The following PLPP4 variants were observed in gnomAD, a reference collection of about 807,000 sequenced individuals.
The protein encoded by PLPP4 is diacylglycerol pyrophosphate like 2.
In PLPP4, 20 loss-of-function variants were observed where a neutral mutation model predicts 32.2. That is an observed-to-expected ratio of 0.62 (90% CI 0.44 to 0.90). The LOEUF (loss-of-function observed/expected upper bound fraction) is 0.90. PLPP4 is among the 40% of genes least tolerant of loss of function. The pLI, the probability that PLPP4 is intolerant of heterozygous loss-of-function variation, is 0.00. For missense variants in PLPP4, 257 were observed against 353.1 expected, an observed-to-expected ratio of 0.73 and a Z score of 2.18; for synonymous variants, 127 against 133.0, an observed-to-expected ratio of 0.95 and a Z score of 0.31.
intron 2 of PLPP4, among the ~76,000 whole-genome samples, chr10:120,508,770 C>T (rs946166040): frequency 2.6e-5 from 4 of 152,198 alleles, no homozygotes; most frequent in Non-Finnish European, 4.4e-5. Flanking sequence ...CTCTCCCCAA[C>T]CTCCTCCTGC....
At chr10:120,528,370 G>T (rs1395451740) in intron 5 of PLPP4, among the ~76,000 whole-genome samples, 2 of 152,112 alleles carry the variant, frequency 1.3e-5, no homozygotes, top group African/African-American at 4.8e-5. Flanking sequence ...CACCACGCCC[G>T]GCCGCCACTC....
Position 120,590,360 on chromosome 10 carries a change from G to C in PLPP4, c.*858G>C, listed in dbSNP as rs1362873966. 1.1e-3 allele frequency among the ~76,000 whole-genome samples: 168 copies of C among 152,336 alleles called. No homozygotes were observed. The highest frequency in any genetic ancestry group is 1.6e-3 in the Non-Finnish European group (112 of 68,040). ...CATGCCTGGGGCTCATCTCAAGGGAGTGGCTGAGTGGCCATTGGGGATAAG... is the reference window on the plus strand; with the variant it reads ...CATGCCTGGGGCTCATCTCAAGGGACTGGCTGAGTGGCCATTGGGGATAAG... On this transcript the variant is annotated 3_prime_UTR_variant, in exon 7 of 7. Transcript: ENST00000398250.
intron 5 of PLPP4, among the ~76,000 whole-genome samples, chr10:120,546,264 C>A (rs1847612907): frequency 6.6e-6 from 1 of 152,102 alleles, no homozygotes; most frequent in African/African-American, 2.4e-5. Flanking sequence ...CTCTAGAGAA[C>A]CCTGACTCAC....
chr10:120,576,872 G>C (rs1334499202), intron 6 of PLPP4, among the ~76,000 whole-genome samples: 1 of 152,220 alleles, frequency 6.6e-6, no homozygotes, highest in African/African-American at 2.4e-5. Flanking sequence ...ATTGGAACTG[G>C]GAATATGTTC....
intron 1 of PLPP4, among the ~76,000 whole-genome samples, chr10:120,473,519 T>C (rs929616577): frequency 6.6e-6 from 1 of 152,166 alleles, no homozygotes; most frequent in Admixed American, 6.5e-5. Flanking sequence ...TTTCTGCACA[T>C]TGCAATTTCT....
chr10:120,584,584 AT>A (rs1418108203), intron 6 of PLPP4, among the ~76,000 whole-genome samples: 1 of 152,238 alleles, frequency 6.6e-6, no homozygotes, highest in Non-Finnish European at 1.5e-5. Flanking sequence ...CTTCTAGTTG[AT>A]TTGGGGCAAA....
At chr10:120,556,543 AG>A (rs1377886811) in intron 5 of PLPP4, among the ~76,000 whole-genome samples, 1 of 152,234 alleles carries the variant, frequency 6.6e-6, no homozygotes, top group Non-Finnish European at 1.5e-5. Context: ...TGCAGAAAAA[AG>A]TCCAGTCTCC....
chr10:120,569,391 ACTT>A (rs1377669699), intron 5 of PLPP4, among the ~76,000 whole-genome samples: 1 of 152,076 alleles, frequency 6.6e-6, no homozygotes, highest in Non-Finnish European at 1.5e-5. Context: ...CTTCCTCTGC[ACTT>A]CTTGTGCGTT....
At chr10:120,494,293 C>G (rs1253262125) in intron 1 of PLPP4, among the ~76,000 whole-genome samples, 1 of 152,210 alleles carries the variant, frequency 6.6e-6, no homozygotes, top group Non-Finnish European at 1.5e-5. Flanking sequence ...CTTACACCAA[C>G]CCTCTGAGGT....
intron 5 of PLPP4, among the ~76,000 whole-genome samples, chr10:120,528,220 G>A (rs1001653982): frequency 6.6e-6 from 1 of 151,938 alleles, no homozygotes; most frequent in Admixed American, 6.5e-5. Context: ...GACTACAGGC[G>A]CCTGCCACCA....
At chr10:120,566,327 G>T (rs529178668) in intron 5 of PLPP4, among the ~76,000 whole-genome samples, 1 of 152,112 alleles carries the variant, frequency 6.6e-6, no homozygotes, top group African/African-American at 2.4e-5. Flanking sequence ...GAGATATTTT[G>T]CCAATTGCCT....
chr10:120,521,530 A>G lies in PLPP4; in HGVS notation c.445+435A>G, dbSNP rs1237900617. ...ATACATACATATGTTACATGTATAT[A>G]CATATACTTTCCCCCATGCCTCCAG... On this transcript the variant is annotated intron_variant, in intron 5 of 6. Coordinates refer to ENST00000398250, the MANE Select transcript of PLPP4 (RefSeq NM_001030059.3). Among the ~76,000 whole-genome samples, 5 of 152,356 alleles carry G rather than the reference A, an allele frequency of 3.3e-5. No homozygotes were observed. The East Asian group carries it at 5.8e-4, about 18-fold the overall frequency.
At chr10:120,489,123 C>T (rs754254414) in intron 1 of PLPP4, among the ~76,000 whole-genome samples, 15 of 152,274 alleles carry the variant, frequency 9.9e-5, no homozygotes, top group Non-Finnish European at 2.1e-4. Flanking sequence ...GCGGTTCAGG[C>T]AGCTGTCATA....
chr10:120,586,992 G>T (rs575847146), intron 6 of PLPP4, among the ~76,000 whole-genome samples: 1 of 152,214 alleles, frequency 6.6e-6, no homozygotes, highest in South Asian at 2.1e-4. Flanking sequence ...ATGACATTGA[G>T]CCCTGAAATA....
At chr10:120,519,874 C>T (rs1846080667) in intron 4 of PLPP4, among the ~76,000 whole-genome samples, 1 of 152,188 alleles carries the variant, frequency 6.6e-6, no homozygotes, top group Non-Finnish European at 1.5e-5. Flanking sequence ...GATAGGCCAT[C>T]ACCCACCTGT....
rs1303740122 is a variant in PLPP4 at position 120,468,224 on chromosome 10, T to C, written c.56+10863T>C. The stretch of plus-strand genomic sequence containing the variant: ...GTGTGTACGTGTCTTTATTATAGAA[T>C]GTAAATATGTGATTCCATAGCAATG... On this transcript the variant is annotated intron_variant, in intron 1 of 6. Coordinates refer to ENST00000398250, the MANE Select transcript of PLPP4 (RefSeq NM_001030059.3). Among the ~76,000 whole-genome samples the C allele has an allele frequency of 4.6e-5, 3 of 65,154 alleles. 1 individual carries two copies. Among genetic ancestry groups the C allele is most frequent in the Non-Finnish European group, 1.3e-4 (3 of 22,400 alleles). 42.7% of individuals were successfully genotyped at this position (65,154 alleles called of 152,430 possible).
At chr10:120,521,394 C>A (rs540066743) in intron 5 of PLPP4, among the ~76,000 whole-genome samples, 1 of 152,272 alleles carries the variant, frequency 6.6e-6, no homozygotes, top group East Asian at 1.9e-4. Context: ...CTCTACGCTC[C>A]CTGGGAGCCT....
intron 1 of PLPP4, among the ~76,000 whole-genome samples, chr10:120,458,658 A>T (rs1485154904): frequency 6.6e-6 from 1 of 152,074 alleles, no homozygotes; most frequent in Non-Finnish European, 1.5e-5. Context: ...CTTCTGCCCG[A>T]ACACTGGTGT....
At chr10:120,589,153 C>A in intron 6 of PLPP4, 150 bp from the exon 7 acceptor site, 1 of 677,508 alleles carries the variant, frequency 1.5e-6, no homozygotes, top group Non-Finnish European at 2.6e-6. Flanking sequence ...CAGAGGCCAC[C>A]ACTGTGGTTT....
Sources: allele counts gnomAD v4.1 joint callset (sites outside exome capture counted in the v4.1 genomes callset), GRCh38; gene constraint gnomAD v4.1.1; transcripts MANE v1.5; gene names NCBI Gene and HGNC (gene_info 2026-07-23, HGNC 2026-07-21).